LGI1: variants seen among roughly 807,000 people sequenced by gnomAD.
LGI1 encodes the protein leucine rich glioma inactivated 1, also known as leucine-rich glioma-inactivated protein 1.
A neutral mutation model predicts 57.7 loss-of-function variants in LGI1; 11 were observed. The ratio of observed to expected loss-of-function variants is 0.19; its 90% confidence interval spans 0.12 to 0.32. The LOEUF (loss-of-function observed/expected upper bound fraction) is 0.32, where lower values mean the gene tolerates loss of function less well. Among genes scored for constraint, LGI1 ranks in the 10% least tolerant of loss-of-function variants. The pLI, the probability that LGI1 is intolerant of heterozygous loss-of-function variation, is 1.00. For synonymous variants in LGI1, 222 were observed against 241.9 expected (o/e 0.92, Z 0.76); for missense variants, 422 against 661.9 (o/e 0.64, Z 3.98).
intron 4 of LGI1, among the ~76,000 whole-genome samples, chr10:93,781,240 T>A (rs547205641): frequency 6.6e-6 from 1 of 152,018 alleles, no homozygotes; most frequent in South Asian, 2.1e-4. Context: ...GCGCCTGTAG[T>A]CCCAGCTACT....
At chr10:93,764,689 G>A (rs950274701) in intron 2 of LGI1, 5 of 152,200 alleles carry the variant, frequency 3.3e-5, no homozygotes, top group African/African-American at 1.2e-4. Flanking sequence ...TCTACAAAAT[G>A]AGGAAGAACC....
At chr10:93,781,390 T>TAA (rs1554905524) in intron 4 of LGI1, among the ~76,000 whole-genome samples, 4 of 151,096 alleles carry the variant, frequency 2.6e-5, no homozygotes, top group African/African-American at 4.9e-5. Context: ...AATAAATAAA[T>TAA]ATAAAAAAGT....
In LGI1 at chr10:93,776,893, G is replaced by A. The variant is rs1363099306; in HGVS notation, c.288-486G>A. The A allele has an allele frequency of 2.1e-5, 4 of 188,250 alleles. No homozygotes were observed. In the Admixed American group the frequency reaches 2.2e-4, roughly 10 times the overall value. 11.7% of individuals were successfully genotyped at this position (188,250 alleles called of 1,614,324 possible). A position where few individuals can be genotyped will look rare whatever the true frequency, so the allele number is the denominator to read the frequency against. On this transcript the variant is annotated intron_variant, in intron 2 of 7. Coordinates refer to ENST00000371418, the MANE Select transcript of LGI1 (RefSeq NM_005097.4). ...GAGGAGGTTGGCTGTTGTTCATGGA[G>A]CCAGTGTCAACTGCCTGTCTGTTAC...
intron 2 of LGI1, among the ~76,000 whole-genome samples, chr10:93,761,635 G>A (rs979730536): frequency 6.6e-6 from 1 of 152,060 alleles, no homozygotes; most frequent in Non-Finnish European, 1.5e-5. Flanking sequence ...AAAAGATCCT[G>A]GTAGGCCATG....
chr10:93,792,108 T>A (rs186651360), intron 5 of LGI1: 1 of 152,478 alleles, frequency 6.6e-6, no homozygotes, highest in Admixed American at 6.5e-5. Context: ...TAAAAGCTGA[T>A]TCTCAGCTCA....
chr10:93,793,315 T>C lies in LGI1; in HGVS notation c.803T>C (p.Val268Ala), dbSNP rs2134021538. Residue 268 changes from valine to alanine, a missense_variant, in exon 7 of 8, where the codon GTG (valine) becomes GCG (alanine). Val to Ala is a moderately conservative substitution (Grantham distance 64, BLOSUM62 0). Coordinates refer to ENST00000371418, the MANE Select transcript of LGI1 (RefSeq NM_005097.4). ...TGCATTTTCCTTGAATGGGACCATG[T>C]GGAAAAGACCTTCCGGAATTATGAC... is the stretch of plus-strand genomic sequence containing the variant. ...GKCIFLEWDH[V>A]EKTFRNYDNI... is the part of the protein sequence containing the mutation. The C allele has an allele frequency of 1.2e-6, 2 of 1,613,982 alleles. No homozygotes were observed. The highest frequency in any genetic ancestry group is 1.1e-5 in the South Asian group (1 of 91,078).
At chr10:93,762,202 T>C (rs963246897) in intron 2 of LGI1, among the ~76,000 whole-genome samples, 15 of 152,232 alleles carry the variant, frequency 9.9e-5, no homozygotes, top group African/African-American at 3.6e-4. Context: ...GAATCCGACA[T>C]GACCAGAAAA....
chr10:93,773,845 C>G (rs1173040608), intron 2 of LGI1, among the ~76,000 whole-genome samples: 2 of 152,170 alleles, frequency 1.3e-5, no homozygotes, highest in East Asian at 3.9e-4. Context: ...TCCCATGGAA[C>G]TGGGGCAGAG....
intron 5 of LGI1, 81 bp from the exon 6 acceptor site, chr10:93,792,662 C>G: frequency 7.1e-7 from 1 of 1,407,862 alleles, no homozygotes; most frequent in Non-Finnish European, 1.0e-6. Context: ...TCATTCTGCA[C>G]ATGTTAATTG....
intron 2 of LGI1, chr10:93,767,238 A>G (rs2059688760): frequency 6.6e-6 from 1 of 151,854 alleles, no homozygotes; most frequent in South Asian, 2.1e-4. Context: ...GCTTAAACAA[A>G]AATAGAGAGA....
Position 93,758,696 on chromosome 10 carries a change from CTG to C in LGI1, c.216-52_216-51del, listed in dbSNP as rs914715887. 845 of 1,128,870 alleles carry C rather than the reference CTG, an allele frequency of 7.5e-4. 1 individual carries two copies. The highest frequency in any genetic ancestry group is 1.1e-3 in the Admixed American group (61 of 56,978). 69.9% of individuals were successfully genotyped at this position (1,128,870 alleles called of 1,614,324 possible). On this transcript the variant is annotated intron_variant, in intron 1 of 7. Transcript: ENST00000371418. The surrounding 1 kb of genome is among the most constrained non-coding windows in gnomAD (Gnocchi z 4.7). ...AAACCGGATTAACATAAGGTTTGTT[CTG>C]TGTGTGTGTGTCTCTTTGTGTGTGT...
chr10:93,783,968 C>T (rs904946159), intron 4 of LGI1, among the ~76,000 whole-genome samples: 20 of 152,124 alleles, frequency 1.3e-4, no homozygotes, highest in African/African-American at 4.1e-4. Flanking sequence ...GCCGAGATAG[C>T]GCCACTGCAT....
rs534248362 is a variant in LGI1 at position 93,778,407 on chromosome 10, ACACT to A, written c.431+794_431+797del. ...CAGGCACACATGTGCATACACACAC[ACACT>A]CACACACACACTCTCACATACACAC... is the stretch of plus-strand genomic sequence containing the variant. On this transcript the variant is annotated intron_variant, in intron 4 of 7. Coordinates refer to ENST00000371418, the MANE Select transcript of LGI1 (RefSeq NM_005097.4). Among the ~76,000 whole-genome samples the A allele has an allele frequency of 1.4e-3, 217 of 152,168 alleles. 1 individual carries two copies. The highest frequency in any genetic ancestry group is 5.1e-3 in the African/African-American group (210 of 41,514).
chr10:93,770,162 C>T (rs1236139943), intron 2 of LGI1: 3 of 152,278 alleles, frequency 2.0e-5, no homozygotes, highest in Non-Finnish European at 4.4e-5. Context: ...TAGACTCACA[C>T]ATCTTTAGAG....
intron 2 of LGI1, among the ~76,000 whole-genome samples, chr10:93,776,436 A>C (rs2059795084): frequency 6.6e-6 from 1 of 152,144 alleles, no homozygotes. Flanking sequence ...ATGACAAATA[A>C]ATTACTCATA....
At chr10:93,778,142 A>C (rs949288053) in intron 4 of LGI1, among the ~76,000 whole-genome samples, 1 of 152,208 alleles carries the variant, frequency 6.6e-6, no homozygotes, top group Admixed American at 6.5e-5. Flanking sequence ...ATATCTAGAG[A>C]CATGTTTGGT....
At position 93,797,844 on chromosome 10, in the gene LGI1, T is replaced by C; in HGVS notation, c.*41T>C. 7.3e-7 allele frequency: 1 copy of C among 1,369,620 alleles called. No individual in the cohort carries two copies. Among genetic ancestry groups the C allele is most frequent in the Non-Finnish European group, 1.0e-6 (1 of 970,926 alleles). The allele number at this position is 1,369,620 out of a possible 1,614,324, so 84.8% of individuals were successfully genotyped here. On this transcript the variant is annotated 3_prime_UTR_variant, in exon 8 of 8. Transcript: ENST00000371418. This position sits in a 1 kb window ranked among gnomAD's most constrained non-coding sequence, Gnocchi z 6.5. Reference sequence around the variant, plus strand: ...GGCTGCCATCAGAAATTTTCTACAGTACATGACCCGGATGAACTCAATGCA... The same window carrying C: ...GGCTGCCATCAGAAATTTTCTACAGCACATGACCCGGATGAACTCAATGCA...
intron 4 of LGI1, among the ~76,000 whole-genome samples, chr10:93,782,390 C>T (rs2059854294): frequency 6.6e-6 from 1 of 152,150 alleles, no homozygotes; most frequent in Non-Finnish European, 1.5e-5. Context: ...TATTAGTGCC[C>T]AAGGTTGTCT....
chr10:93,796,273 G>A (rs2059978925), intron 7 of LGI1, among the ~76,000 whole-genome samples: 1 of 152,160 alleles, frequency 6.6e-6, no homozygotes, highest in Non-Finnish European at 1.5e-5. Context: ...CAGGGGAAAG[G>A]CAAATTATTC....
Sources: allele counts gnomAD v4.1 joint callset (sites outside exome capture counted in the v4.1 genomes callset), GRCh38; gene constraint gnomAD v4.1.1; non-coding constraint Gnocchi (gnomAD v3.1); transcripts MANE v1.5; gene names NCBI Gene and HGNC (gene_info 2026-07-23, HGNC 2026-07-21).